The following NNMT variants were observed in gnomAD, a reference collection of about 807,000 sequenced individuals.
NNMT encodes nicotinamide N-methyltransferase.
NNMT carries 10 observed loss-of-function variants against 11.7 expected under a neutral mutation model. The ratio of observed to expected loss-of-function variants is 0.85; its 90% CI spans 0.53 to 1.45. NNMT has a LOEUF of 1.45. NNMT is among the 40% of genes most tolerant of loss of function. The pLI is 0.00. For synonymous variants in NNMT, 143 were observed against 133.8 expected (o/e 1.07, Z -0.48); for missense variants, 381 against 319.4 (o/e 1.19, Z -1.47).
rs1173329957 is a variant in NNMT at position 114,312,713 on chromosome 11, T to C, written c.*236T>C. 1 of 505,182 alleles carries C rather than the reference T, an allele frequency of 2.0e-6. No homozygotes were observed. Among genetic ancestry groups the C allele is most frequent in the African/African-American group, 1.9e-5 (1 of 52,838 alleles). 31.3% of individuals were successfully genotyped at this position (505,182 alleles called of 1,614,324 possible). ...TGAGCAATTAGTATTCCAGTCTTCA[T>C]TGCCTGTGCTTACAAAAGAAGACCT... On this transcript the variant is annotated 3_prime_UTR_variant, in exon 3 of 3. Transcript: ENST00000299964.
At chr11:114,259,109 T>C (rs1402471494) in intron 1 of NNMT, among the ~76,000 whole-genome samples, 12 of 152,244 alleles carry the variant, frequency 7.9e-5, no homozygotes, top group Admixed American at 7.8e-4. Context: ...AATTGTGTGT[T>C]ATCTATCTTT....
intron 2 of NNMT, among the ~76,000 whole-genome samples, chr11:114,279,902 A>G (rs1027191927): frequency 5.9e-5 from 9 of 152,134 alleles, no homozygotes; most frequent in Admixed American, 3.9e-4. Context: ...GTCCACACTG[A>G]CTTTGAACTA....
chr11:114,300,400 T>A (rs182487693), intron 2 of NNMT, among the ~76,000 whole-genome samples: 255 of 152,310 alleles, frequency 1.7e-3, no homozygotes, highest in Middle Eastern at 3.4e-3. Context: ...TCAAATTAAA[T>A]TTTGTTGTAG....
chr11:114,306,731 A>T (rs192636222), intron 2 of NNMT, among the ~76,000 whole-genome samples: 3 of 152,238 alleles, frequency 2.0e-5, no homozygotes, highest in African/African-American at 7.2e-5. Context: ...TACCAGTACC[A>T]TGCTGTTTTG....
intron 2 of NNMT, chr11:114,270,202 G>T (rs1408339987): frequency 6.6e-6 from 1 of 152,094 alleles, no homozygotes; most frequent in Non-Finnish European, 1.5e-5. Context: ...TATTCCATGG[G>T]TACCTTGAAA....
At chr11:114,265,718 T>C (rs1945114812) in intron 2 of NNMT, among the ~76,000 whole-genome samples, 1 of 152,224 alleles carries the variant, frequency 6.6e-6, no homozygotes, top group Admixed American at 6.5e-5. Flanking sequence ...CATGGACTTT[T>C]GGCAATTCAA....
upstream of NNMT, among the ~76,000 whole-genome samples, chr11:114,293,731 C>A (rs983924491): frequency 6.6e-6 from 1 of 151,786 alleles, no homozygotes; most frequent in African/African-American, 2.4e-5. Flanking sequence ...TTTGGATGTT[C>A]CTCAAAAAAT....
intron 2 of NNMT, among the ~76,000 whole-genome samples, chr11:114,276,448 C>T (rs1337952801): frequency 2.0e-5 from 3 of 152,134 alleles, no homozygotes; most frequent in South Asian, 2.1e-4. Context: ...TTTCCAGATG[C>T]CATCCTGCTA....
intron 2 of NNMT, among the ~76,000 whole-genome samples, chr11:114,301,852 T>TA (rs1189195755): frequency 6.6e-6 from 1 of 151,874 alleles, no homozygotes; most frequent in Non-Finnish European, 1.5e-5. Flanking sequence ...AATCAATTTT[T>TA]AAAAAATGAC....
chr11:114,258,768 A>G (rs1423581499), intron 1 of NNMT, among the ~76,000 whole-genome samples: 2 of 152,106 alleles, frequency 1.3e-5, no homozygotes, highest in East Asian at 3.9e-4. Flanking sequence ...TCAGCACCCA[A>G]CTTCGTCTTA....
In NNMT at chr11:114,296,653, G is replaced by T. The variant is rs760142679; in HGVS notation, c.97G>T (p.Ala33Ser). Residue 33 changes from alanine to serine, a missense_variant, in exon 1 of 3, where the codon GCA becomes TCA. Ala to Ser is a moderately conservative substitution (Grantham distance 99). Coordinates refer to ENST00000299964, the MANE Select transcript of NNMT (RefSeq NM_006169.3). ...TTACAAGTTTGGTTCTAGGCACTCT[G>T]CAGAAAGCCAGATTCTTAAGCACCT... ...KYYKFGSRHSAESQILKHLLK... is the reference protein window; with the variant it reads ...KYYKFGSRHSSESQILKHLLK... 2.5e-6 allele frequency: 4 copies of T among 1,614,172 alleles called. No individual in the cohort carries two copies. The highest frequency in any genetic ancestry group is 3.4e-6 in the Non-Finnish European group (4 of 1,180,028).
At chr11:114,310,861 C>T (rs1945543089) in intron 2 of NNMT, among the ~76,000 whole-genome samples, 1 of 152,190 alleles carries the variant, frequency 6.6e-6, no homozygotes, top group Non-Finnish European at 1.5e-5. Context: ...TTTGTCCGCC[C>T]CTGCTCTCTG....
At chr11:114,295,451 G>C (rs1016776438), upstream of NNMT, among the ~76,000 whole-genome samples, 2 of 117,030 alleles carry the variant, frequency 1.7e-5, no homozygotes, top group Non-Finnish European at 3.3e-5. Context: ...TTGAGACAGA[G>C]TCTTGCTCTG....
intron 2 of NNMT, among the ~76,000 whole-genome samples, chr11:114,277,261 G>A (rs1363456800): frequency 6.6e-6 from 1 of 152,050 alleles, no homozygotes; most frequent in Non-Finnish European, 1.5e-5. Context: ...AGAAAAGAAA[G>A]AAAGAAATGG....
chr11:114,303,435 G>T (rs1410076115), intron 2 of NNMT, among the ~76,000 whole-genome samples: 1 of 152,084 alleles, frequency 6.6e-6, no homozygotes, highest in Admixed American at 6.6e-5. Context: ...TTCAAGATCA[G>T]TTTGGACATT....
chr11:114,297,871 A>T, intron 1 of NNMT, 80 bp from the exon 2 acceptor site: 1 of 1,184,726 alleles, frequency 8.4e-7, no homozygotes, highest in Non-Finnish European at 1.3e-6. Context: ...GCACAGTCCC[A>T]GGGAAGACAA....
intron 1 of NNMT, among the ~76,000 whole-genome samples, chr11:114,259,622 T>A (rs1394114806): frequency 6.6e-6 from 1 of 152,130 alleles, no homozygotes; most frequent in Non-Finnish European, 1.5e-5. Context: ...CCATCCCCAC[T>A]TCCACTCGTG....
At chr11:114,284,256 G>A (rs1414152985) in intron 2 of NNMT, among the ~76,000 whole-genome samples, 2 of 152,214 alleles carry the variant, frequency 1.3e-5, no homozygotes, top group African/African-American at 2.4e-5. Context: ...CAGCAACACT[G>A]CTGGTACCTG....
chr11:114,277,307 C>A (rs1945221323), intron 2 of NNMT, among the ~76,000 whole-genome samples: 1 of 152,102 alleles, frequency 6.6e-6, no homozygotes, highest in African/African-American at 2.4e-5. Flanking sequence ...TATCGTAAGA[C>A]CCCAAAGATA....
Sources: allele counts gnomAD v4.1 joint callset (sites outside exome capture counted in the v4.1 genomes callset), GRCh38; gene constraint gnomAD v4.1.1; transcripts MANE v1.5; gene names NCBI Gene and HGNC (gene_info 2026-07-23, HGNC 2026-07-21).